TTC17: variants seen among roughly 807,000 people sequenced by gnomAD.
TTC17 encodes the protein tetratricopeptide repeat domain 17.
A neutral mutation model predicts 143.8 loss-of-function variants in TTC17; 58 were observed. The observed-to-expected ratio is 0.40, with a 90% CI of 0.33 to 0.50. The LOEUF is 0.50. Ranked by LOEUF, TTC17 falls within the 20% of genes least tolerant of loss-of-function variation. The probability of loss-of-function intolerance (pLI) is 0.49; values close to 1 mark genes in which losing one functional copy is unlikely to be tolerated. For missense variants in TTC17, 1,273 were observed against 1,392.5 expected (o/e 0.91, Z 1.37); for synonymous variants, 501 against 497.8 (o/e 1.01, Z -0.09).
Position 43,443,700 on chromosome 11 carries a change from G to T in TTC17, c.2511+116G>T, listed in dbSNP as rs1052642468. 6 of 1,316,286 alleles carry T rather than the reference G, an allele frequency of 4.6e-6. No individual in the cohort carries two copies. The African/African-American group carries it at 5.9e-5, about 13-fold the overall frequency. The allele number at this position is 1,316,286 out of a possible 1,614,324, so 81.5% of individuals were successfully genotyped here. On this transcript the variant is annotated intron_variant, in intron 17 of 23. Coordinates refer to ENST00000039989, the MANE Select transcript of TTC17 (RefSeq NM_018259.6). Reference sequence around the variant, plus strand: ...TGGCACTACTTGGCTATGCACTCCAGGACAGCCTTCACATTGGAATTTTAT... The same window carrying T: ...TGGCACTACTTGGCTATGCACTCCATGACAGCCTTCACATTGGAATTTTAT...
chr11:43,392,168 T>A (rs888225694), intron 5 of TTC17, among the ~76,000 whole-genome samples: 1 of 152,250 alleles, frequency 6.6e-6, no homozygotes, highest in Non-Finnish European at 1.5e-5. Flanking sequence ...TGGAAAGTTT[T>A]ATCTAAACTG....
intron 15 of TTC17, among the ~76,000 whole-genome samples, chr11:43,412,316 T>C (rs1273669703): frequency 6.6e-6 from 1 of 151,954 alleles, no homozygotes; most frequent in African/African-American, 2.4e-5. Flanking sequence ...AGATCCACTC[T>C]CTACAAAAAA....
At chr11:43,400,422 G>A (rs564311804) in intron 9 of TTC17, among the ~76,000 whole-genome samples, 8 of 152,186 alleles carry the variant, frequency 5.3e-5, no homozygotes, top group Admixed American at 3.9e-4. Flanking sequence ...CTGAGAGTCT[G>A]CCTTCCTAAT....
chr11:43,439,105 T>C (rs1334645917), intron 16 of TTC17, among the ~76,000 whole-genome samples: 1 of 152,244 alleles, frequency 6.6e-6, no homozygotes, highest in Non-Finnish European at 1.5e-5. Context: ...TCTTTGCTTC[T>C]CTTCAGTTAA....
At chr11:43,364,099 C>T (rs1856235603) in intron 1 of TTC17, among the ~76,000 whole-genome samples, 1 of 146,564 alleles carries the variant, frequency 6.8e-6, no homozygotes, top group Non-Finnish European at 1.5e-5. Context: ...TCTTATCACC[C>T]AGGCTGGAGT....
At chr11:43,396,642 T>C (rs937828224) in intron 5 of TTC17, 67 bp from the exon 6 acceptor site, 5 of 835,780 alleles carry the variant, frequency 6.0e-6, no homozygotes, top group Non-Finnish European at 9.2e-6. Context: ...TTAAAGGTGC[T>C]CCTTTTGAGT....
intron 21 of TTC17, among the ~76,000 whole-genome samples, chr11:43,454,757 C>A (rs370905904): frequency 2.0e-5 from 3 of 152,054 alleles, no homozygotes; most frequent in African/African-American, 7.2e-5. Flanking sequence ...CTAAAGACTA[C>A]AGTTTACAAT....
intron 21 of TTC17, among the ~76,000 whole-genome samples, chr11:43,475,404 C>T (rs932941682): frequency 2.0e-5 from 3 of 152,182 alleles, no homozygotes; most frequent in African/African-American, 7.2e-5. Context: ...GTGATCACCA[C>T]TCACTACAGC....
At chr11:43,369,619 C>CTT (rs755414628) in intron 1 of TTC17, among the ~76,000 whole-genome samples, 4 of 140,610 alleles carry the variant, frequency 2.8e-5, no homozygotes, top group South Asian at 2.3e-4. Context: ...TTTCTGATTT[C>CTT]TTTTTTTTTT....
intron 21 of TTC17, among the ~76,000 whole-genome samples, chr11:43,451,775 G>A (rs565748032): frequency 5.3e-5 from 8 of 152,128 alleles, no homozygotes; most frequent in African/African-American, 1.7e-4. Context: ...AAGAGGAGGG[G>A]TTTTTTAATT....
intron 20 of TTC17, among the ~76,000 whole-genome samples, chr11:43,450,965 T>G (rs1253009261): frequency 6.6e-6 from 1 of 152,244 alleles, no homozygotes; most frequent in East Asian, 1.9e-4. Flanking sequence ...TGAATGTGTT[T>G]TACATTCTGT....
At position 43,391,502 on chromosome 11, in the gene TTC17, C is replaced by A. The variant is rs866854967; in HGVS notation, c.457C>A (p.Pro153Thr). 2 of 1,608,566 alleles carry A rather than the reference C, an allele frequency of 1.2e-6. No homozygotes were observed. The highest frequency in any genetic ancestry group is 1.7e-6 in the Non-Finnish European group (2 of 1,178,254). ...TATAGACACAGAATCTCCTGTCCCTCCAGACCCAGAGCAACCTGATTGTAC... is the reference window on the plus strand; with the variant it reads ...TATAGACACAGAATCTCCTGTCCCTACAGACCCAGAGCAACCTGATTGTAC... ...DYIDTESPVP[P>T]DPEQPDCTKI... Residue 153 changes from proline to threonine, a missense_variant, in exon 4 of 24, where the codon CCA (proline) becomes ACA (threonine). Coordinates refer to ENST00000039989, the MANE Select transcript of TTC17 (RefSeq NM_018259.6).
chr11:43,397,930 GTGTGTGTGTGTGTGTGTGTGTA>G (rs775208559), intron 7 of TTC17, 22 bp from the exon 8 acceptor site: 22 of 1,279,354 alleles, frequency 1.7e-5, no homozygotes, highest in Non-Finnish European at 2.1e-5. Context: ...GTGTGTGTGT[GTGTGTGTGTGTGTGTGTGTGTA>G]TGTTTGTTTT....
At chr11:43,453,018 A>G (rs972848164) in intron 21 of TTC17, among the ~76,000 whole-genome samples, 1 of 152,188 alleles carries the variant, frequency 6.6e-6, no homozygotes, top group African/African-American at 2.4e-5. Flanking sequence ...AAAACAGGAG[A>G]TAGAAAACTG....
chr11:43,434,219 ACACACACACACACTCT>A (rs1947231248), intron 16 of TTC17, among the ~76,000 whole-genome samples: 2 of 78,154 alleles, frequency 2.6e-5, no homozygotes, highest in Admixed American at 1.5e-4. Context: ...ACACACACAC[ACACACACACACACTCT>A]CATGGCCTCT....
At chr11:43,453,092 TGAC>T (rs1423904070) in intron 21 of TTC17, among the ~76,000 whole-genome samples, 2 of 151,984 alleles carry the variant, frequency 1.3e-5, no homozygotes, top group Admixed American at 1.3e-4. Context: ...GTCACAGAAC[TGAC>T]GACAAAATTG....
At chr11:43,481,537 A>G (rs1370147212) in intron 21 of TTC17, among the ~76,000 whole-genome samples, 1 of 152,200 alleles carries the variant, frequency 6.6e-6, no homozygotes, top group Non-Finnish European at 1.5e-5. Context: ...GTTTTTAATT[A>G]TAGCTCTAAT....
At chr11:43,391,431 C>A in intron 3 of TTC17, 34 bp from the exon 4 acceptor site, 1 of 1,283,950 alleles carries the variant, frequency 7.8e-7, no homozygotes, top group African/African-American at 1.5e-5. Flanking sequence ...TTTATCTCAC[C>A]TTTTATTCAT....
intron 5 of TTC17, among the ~76,000 whole-genome samples, chr11:43,395,650 A>C (rs1857558684): frequency 6.6e-6 from 1 of 152,204 alleles, no homozygotes; most frequent in African/African-American, 2.4e-5. Flanking sequence ...CTCAAAAATC[A>C]CATACTTTTC....
Sources: allele counts gnomAD v4.1 joint callset (sites outside exome capture counted in the v4.1 genomes callset), GRCh38; gene constraint gnomAD v4.1.1; transcripts MANE v1.5; gene names NCBI Gene and HGNC (gene_info 2026-07-23, HGNC 2026-07-21).